SOX5: variants seen among roughly 807,000 people sequenced by gnomAD.
The protein encoded by SOX5 is SRY-box transcription factor 5.
Under a neutral mutation model 92.0 loss-of-function variants are expected in SOX5, and 9 were observed. The observed-to-expected ratio is 0.10, with a 90% CI of 0.06 to 0.17. The LOEUF is 0.17. Ranked by LOEUF, SOX5 falls within the 10% of genes least tolerant of loss-of-function variation. The pLI, the probability that SOX5 is intolerant of heterozygous loss-of-function variation, is 1.00. For synonymous variants in SOX5, 344 were observed against 336.3 expected, an observed-to-expected ratio of 1.02 and a Z score of -0.25; for missense variants, 642 against 944.5, an observed-to-expected ratio of 0.68 and a Z score of 4.20.
intron 1 of SOX5, among the ~76,000 whole-genome samples, chr12:24,545,281 C>A (rs1952515864): frequency 6.6e-6 from 1 of 152,180 alleles, no homozygotes; most frequent in Non-Finnish European, 1.5e-5. Flanking sequence ...AGATGATCTA[C>A]AAGGTTGTAT....
intron 8 of SOX5, among the ~76,000 whole-genome samples, chr12:23,606,999 A>G (rs1025665209): frequency 1.3e-5 from 2 of 152,110 alleles, no homozygotes; most frequent in Non-Finnish European, 2.9e-5. Context: ...AATTTCATAA[A>G]CCTGCTATTC....
At chr12:24,182,125 A>G (rs1202032455) in intron 4 of SOX5, among the ~76,000 whole-genome samples, 1 of 152,216 alleles carries the variant, frequency 6.6e-6, no homozygotes, top group African/African-American at 2.4e-5. Context: ...ATAGTTATTA[A>G]TAAAGGAAAA....
chr12:23,945,848 G>A (rs967139270), intron 1 of SOX5, among the ~76,000 whole-genome samples: 2 of 151,990 alleles, frequency 1.3e-5, no homozygotes, highest in African/African-American at 4.8e-5. Context: ...TGTTGTTGTT[G>A]TTAAGGTTTT....
chr12:23,624,662 G>A (rs148369157), intron 8 of SOX5, among the ~76,000 whole-genome samples: 8 of 152,294 alleles, frequency 5.3e-5, no homozygotes, highest in African/African-American at 1.9e-4. Context: ...GACTTTCTGA[G>A]GAGGAGATTG....
Position 23,536,450 on chromosome 12 carries a change from T to C in SOX5, c.1988+3A>G. The C allele has an allele frequency of 6.2e-7, 1 of 1,612,254 alleles. No individual in the cohort carries two copies. The highest frequency in any genetic ancestry group is 8.5e-7 in the Non-Finnish European group (1 of 1,178,540). On this transcript the variant is annotated splice_donor_region_variant and intron_variant, in intron 14 of 14. Coordinates refer to ENST00000451604, the MANE Select transcript of SOX5 (RefSeq NM_006940.6). ...ATGAGAAAAATGACTAAAAGGTACA[T>C]ACCCAACATTGAAGTACTGCCGCAT...
At chr12:23,538,009 GTCATC>G (rs1228550950) in intron 13 of SOX5, among the ~76,000 whole-genome samples, 3 of 151,682 alleles carry the variant, frequency 2.0e-5, no homozygotes, top group African/African-American at 4.8e-5. Flanking sequence ...TCTGCAAATA[GTCATC>G]TCAACTCAAC....
At chr12:24,248,426 A>T (rs924748941) in intron 3 of SOX5, among the ~76,000 whole-genome samples, 1 of 152,164 alleles carries the variant, frequency 6.6e-6, no homozygotes, top group Non-Finnish European at 1.5e-5. Flanking sequence ...TTCTTCTTCA[A>T]GACTAGCTCT....
chr12:23,671,418 T>G (rs2080671195), intron 6 of SOX5, among the ~76,000 whole-genome samples: 1 of 152,160 alleles, frequency 6.6e-6, no homozygotes, highest in African/African-American at 2.4e-5. Flanking sequence ...AGCAGCTGTT[T>G]AGAAGCACAC....
At chr12:24,056,831 C>G (rs959065571) in intron 4 of SOX5, among the ~76,000 whole-genome samples, 6 of 149,182 alleles carry the variant, frequency 4.0e-5, no homozygotes, top group African/African-American at 1.2e-4. Context: ...AAAAATTAGC[C>G]GGGCGTAGTG....
intron 4 of SOX5, among the ~76,000 whole-genome samples, chr12:23,967,771 A>T (rs1947765934): frequency 6.6e-6 from 1 of 152,208 alleles, no homozygotes; most frequent in African/African-American, 2.4e-5. Context: ...TATTCAGGAT[A>T]AACAGTCCTT....
chr12:24,042,505 G>C (rs534976420), intron 4 of SOX5, among the ~76,000 whole-genome samples: 23 of 152,160 alleles, frequency 1.5e-4, no homozygotes, highest in African/African-American at 5.3e-4. Flanking sequence ...TCTGAAGTGT[G>C]ACTGACTGGA....
chr12:24,490,595 A>G (rs1946961556), intron 1 of SOX5, among the ~76,000 whole-genome samples: 1 of 152,132 alleles, frequency 6.6e-6, no homozygotes, highest in African/African-American at 2.4e-5. Flanking sequence ...TCAGGAAAAA[A>G]AAAATGGTTA....
intron 8 of SOX5, among the ~76,000 whole-genome samples, chr12:23,608,114 A>G (rs12308506): frequency 7.1e-6 from 1 of 139,978 alleles, no homozygotes; most frequent in Non-Finnish European, 1.6e-5. Flanking sequence ...AAAAGAAAAA[A>G]GAAAAAAAAA....
chr12:24,522,166 A>G (rs1353399177), intron 1 of SOX5, among the ~76,000 whole-genome samples: 1 of 152,002 alleles, frequency 6.6e-6, no homozygotes, highest in East Asian at 1.9e-4. Flanking sequence ...CAAAGTGGAT[A>G]ATGTAGAAAA....
intron 4 of SOX5, among the ~76,000 whole-genome samples, chr12:24,065,928 T>C (rs1940661875): frequency 6.6e-6 from 1 of 152,146 alleles, no homozygotes; most frequent in African/African-American, 2.4e-5. Context: ...CACAGTTAAC[T>C]TCAGCAAATT....
At chr12:23,537,867 G>A (rs550063477) in intron 13 of SOX5, among the ~76,000 whole-genome samples, 35 of 151,378 alleles carry the variant, frequency 2.3e-4, no homozygotes, top group African/African-American at 7.0e-4. Context: ...TCTCAAAGGC[G>A]GTGTGTCCGG....
chr12:23,622,389 T>G (rs781713061), intron 8 of SOX5, among the ~76,000 whole-genome samples: 6 of 152,116 alleles, frequency 3.9e-5, no homozygotes, highest in Non-Finnish European at 8.8e-5. Flanking sequence ...AAATTAGCTT[T>G]TTTAAAAAAA....
chr12:24,186,917 A>G (rs1476631338), intron 4 of SOX5, among the ~76,000 whole-genome samples: 1 of 133,702 alleles, frequency 7.5e-6, no homozygotes, highest in Non-Finnish European at 1.6e-5. Flanking sequence ...TTTGTAAAAA[A>G]GAAAACATGA....
intron 4 of SOX5, among the ~76,000 whole-genome samples, chr12:24,050,462 T>C (rs1033254489): frequency 6.6e-6 from 1 of 152,022 alleles, no homozygotes; most frequent in Non-Finnish European, 1.5e-5. Flanking sequence ...TTTGATTACT[T>C]AAAAAAACTA....
Sources: allele counts gnomAD v4.1 joint callset (sites outside exome capture counted in the v4.1 genomes callset), GRCh38; gene constraint gnomAD v4.1.1; transcripts MANE v1.5; gene names NCBI Gene and HGNC (gene_info 2026-07-23, HGNC 2026-07-21).